Variants in CPNE4 observed in about 807,000 individuals in gnomAD.
The protein encoded by CPNE4 is copine-4.
Under a neutral mutation model 67.9 loss-of-function variants are expected in CPNE4, and 25 were observed. The observed-to-expected ratio is 0.37, with a 90% CI of 0.27 to 0.51. CPNE4 has a LOEUF of 0.51. CPNE4 is among the 20% of genes least tolerant of loss of function. CPNE4 has a pLI of 0.93. For synonymous variants in CPNE4, 242 were observed against 244.9 expected, an observed-to-expected ratio of 0.99 and a Z score of 0.11; for missense variants, 464 against 690.8, an observed-to-expected ratio of 0.67 and a Z score of 3.68.
At chr3:131,637,759 G>C (rs1019748507) in intron 7 of CPNE4, among the ~76,000 whole-genome samples, 3 of 152,080 alleles carry the variant, frequency 2.0e-5, no homozygotes, top group Non-Finnish European at 4.4e-5. Flanking sequence ...TCAAGATGAA[G>C]GAAAGAATAT....
At chr3:131,973,884 G>A (rs897721027) in intron 1 of CPNE4, among the ~76,000 whole-genome samples, 2 of 152,268 alleles carry the variant, frequency 1.3e-5, no homozygotes, top group East Asian at 1.9e-4. Context: ...CAAGCGTAAC[G>A]TTATTTTTTA....
At chr3:131,968,902 C>T (rs1244425591) in intron 1 of CPNE4, among the ~76,000 whole-genome samples, 1 of 152,174 alleles carries the variant, frequency 6.6e-6, no homozygotes, top group Non-Finnish European at 1.5e-5. Context: ...AAAGAACATG[C>T]ACACATATGT....
intron 5 of CPNE4, among the ~76,000 whole-genome samples, chr3:131,692,426 C>A (rs2081055492): frequency 6.6e-6 from 1 of 152,146 alleles, no homozygotes; most frequent in African/African-American, 2.4e-5. Context: ...ATTACAGTTT[C>A]AAGCAGGCAT....
intron 7 of CPNE4, among the ~76,000 whole-genome samples, chr3:131,640,343 G>A (rs1385837298): frequency 6.6e-6 from 1 of 152,206 alleles, no homozygotes; most frequent in Non-Finnish European, 1.5e-5. Flanking sequence ...ATACAAATCA[G>A]TAGCTCTGCT....
intron 1 of CPNE4, among the ~76,000 whole-genome samples, chr3:132,014,851 G>T (rs2073854332): frequency 6.6e-6 from 1 of 151,984 alleles, no homozygotes; most frequent in Non-Finnish European, 1.5e-5. Flanking sequence ...AAAGTCGTGT[G>T]GAAAAAAATT....
At chr3:131,911,383 C>T (rs1373832731) in intron 1 of CPNE4, among the ~76,000 whole-genome samples, 1 of 152,146 alleles carries the variant, frequency 6.6e-6, no homozygotes, top group Non-Finnish European at 1.5e-5. Context: ...ACTTGTGATA[C>T]TTGGAGACAG....
At chr3:131,591,171 G>C (rs1016413068) in intron 7 of CPNE4, among the ~76,000 whole-genome samples, 31 of 152,182 alleles carry the variant, frequency 2.0e-4, no homozygotes, top group African/African-American at 7.5e-4. Flanking sequence ...GACATAGAAA[G>C]AGGAAGAAGA....
At chr3:131,573,163 A>G (rs953229505) in intron 10 of CPNE4, among the ~76,000 whole-genome samples, 2 of 152,052 alleles carry the variant, frequency 1.3e-5, no homozygotes, top group African/African-American at 2.4e-5. Flanking sequence ...CTGAAACCCT[A>G]CAGGAGGAAG....
intron 7 of CPNE4, among the ~76,000 whole-genome samples, chr3:131,655,279 A>G (rs552077755): frequency 3.9e-5 from 6 of 152,218 alleles, no homozygotes; most frequent in Admixed American, 6.5e-5. Flanking sequence ...GTTAGGACCC[A>G]ATGATGTATG....
chr3:131,978,132 TTATA>T (rs1464557648), intron 1 of CPNE4, among the ~76,000 whole-genome samples: 1 of 70,688 alleles, frequency 1.4e-5, no homozygotes, highest in Non-Finnish European at 2.2e-5. Flanking sequence ...ATATATATAT[TTATA>T]TAAATATATA....
intron 2 of CPNE4, among the ~76,000 whole-genome samples, chr3:131,776,544 T>C (rs948086828): frequency 1.3e-4 from 20 of 152,116 alleles, no homozygotes; most frequent in African/African-American, 4.8e-4. Flanking sequence ...GTGGGAACTT[T>C]ATTTCAGACA....
chr3:131,846,062 C>T (rs2085985496), intron 2 of CPNE4, among the ~76,000 whole-genome samples: 1 of 152,202 alleles, frequency 6.6e-6, no homozygotes, highest in Non-Finnish European at 1.5e-5. Context: ...TGAAGCCAGA[C>T]TGCCTAAATT....
chr3:131,547,178 G>A (rs1935897644), intron 14 of CPNE4, among the ~76,000 whole-genome samples: 1 of 152,076 alleles, frequency 6.6e-6, no homozygotes, highest in African/African-American at 2.4e-5. Context: ...TGGTTAGCCA[G>A]ATGCATTGGC....
intron 2 of CPNE4, among the ~76,000 whole-genome samples, chr3:131,897,431 A>G (rs946231398): frequency 1.3e-5 from 2 of 152,126 alleles, no homozygotes; most frequent in African/African-American, 4.8e-5. Flanking sequence ...CATTATTCTG[A>G]GAGGAAGACA....
chr3:132,037,581 G>T, upstream of CPNE4: 1 of 1,535,866 alleles, frequency 6.5e-7, no homozygotes, highest in South Asian at 1.2e-5. Context: ...CCTTTTAATG[G>T]ATTCTGAGCT....
chr3:131,561,232 T>C (rs140346803), intron 11 of CPNE4, among the ~76,000 whole-genome samples: 18 of 152,136 alleles, frequency 1.2e-4, no homozygotes, highest in Admixed American at 1.2e-3. Flanking sequence ...CAGAGACCCA[T>C]ATCCCTACTG....
At chr3:131,610,702 C>T (rs59560164) in intron 7 of CPNE4, among the ~76,000 whole-genome samples, 2 of 152,088 alleles carry the variant, frequency 1.3e-5, no homozygotes, top group Non-Finnish European at 2.9e-5. Context: ...CTCTCCTATC[C>T]GTTATTTCTG....
intron 2 of CPNE4, among the ~76,000 whole-genome samples, chr3:131,784,489 A>T (rs938219960): frequency 6.6e-6 from 1 of 152,096 alleles, no homozygotes; most frequent in African/African-American, 2.4e-5. Context: ...ATGAGAATTC[A>T]TGTAGGAGGC....
chr3:131,895,157 GAA>G (rs1347053565), intron 2 of CPNE4, among the ~76,000 whole-genome samples: 1 of 151,890 alleles, frequency 6.6e-6, no homozygotes, highest in Non-Finnish European at 1.5e-5. Flanking sequence ...CTTTTTTTAA[GAA>G]AGTTGGTATC....
Sources: allele counts gnomAD v4.1 joint callset (sites outside exome capture counted in the v4.1 genomes callset), GRCh38; gene constraint gnomAD v4.1.1; transcripts MANE v1.5; gene names NCBI Gene and HGNC (gene_info 2026-07-23, HGNC 2026-07-21).